The following CDH17 variants were observed in gnomAD, a reference collection of about 807,000 sequenced individuals.
CDH17 encodes cadherin 17, also known as cadherin-17.
Under a neutral mutation model 86.3 loss-of-function variants are expected in CDH17, and 67 were observed. The ratio of observed to expected loss-of-function variants is 0.78; its 90% CI spans 0.64 to 0.95. The LOEUF is 0.95. Ranked by LOEUF, CDH17 falls within the 40% of genes least tolerant of loss-of-function variation. CDH17 has a pLI of 0.00. For synonymous variants in CDH17, 367 were observed against 366.4 expected, an observed-to-expected ratio of 1.00 and a Z score of -0.02; for missense variants, 993 against 1,017.6, an observed-to-expected ratio of 0.98 and a Z score of 0.33.
Position 94,204,774 on chromosome 8 carries a change from C to T in CDH17, c.-21+3709G>A, listed in dbSNP as rs117626622. Among the ~76,000 whole-genome samples the T allele has an allele frequency of 5.1e-4, 77 of 152,246 alleles. 1 individual carries two copies. In the East Asian group the frequency reaches 0.013, roughly 26 times the overall value. On this transcript the variant is annotated intron_variant, in intron 1 of 17. Transcript: ENST00000027335. ...CTGGTTGGCGTTTGTTCCCCCAGTG[C>T]TCCCCAAGACAGAGCAAGGGAAGGA... is the stretch of plus-strand genomic sequence containing the variant.
chr8:94,162,104 G>T lies in CDH17; in HGVS notation c.1341C>A (p.Pro447=). Residue 447 remains proline (P), a synonymous_variant, in exon 11 of 18, where the codon CCC becomes CCA. Coordinates refer to ENST00000027335, the MANE Select transcript of CDH17 (RefSeq NM_004063.4). ...TACTCACATCTGATTTTTCAAAGAT[G>T]GGGATCTGATCATTGATATCAATAA... is the stretch of plus-strand genomic sequence containing the variant. The part of the protein sequence containing the change: ...INVIDINDQI[P]IFEKSDYGNL... 1 of 1,597,420 alleles carries T rather than the reference G, an allele frequency of 6.3e-7. No homozygotes were observed. The highest frequency in any genetic ancestry group is 8.6e-7 in the Non-Finnish European group (1 of 1,165,092).
At chr8:94,130,568 T>G in intron 17 of CDH17, 58 bp downstream of exon 17, 117 of 1,176,332 alleles carry the variant, frequency 9.9e-5, no homozygotes, top group Non-Finnish European at 1.4e-4. Flanking sequence ...GGCCCTGAGA[T>G]GAGCTCACAT....
intron 10 of CDH17, 68 bp from the exon 11 acceptor site, chr8:94,162,230 A>C: frequency 9.7e-7 from 1 of 1,033,212 alleles, no homozygotes; most frequent in Non-Finnish European, 1.5e-6. Flanking sequence ...AGAAATCTGC[A>C]AGAAAATACT....
In CDH17 at chr8:94,184,221, T is replaced by TTG. The variant is rs150547591; in HGVS notation, c.150+4964_150+4965dup. On this transcript the variant is annotated intron_variant, in intron 3 of 17. Coordinates refer to ENST00000027335, the MANE Select transcript of CDH17 (RefSeq NM_004063.4). ...CCTGCTACTGAGTGTGTGTGTGTGTTTGTGTGTGTGTGTGTCCAAGAGAAT... is the reference window on the plus strand; with the variant it reads ...CCTGCTACTGAGTGTGTGTGTGTGTTTGTGTGTGTGTGTGTGTCCAAGAGAAT... 7.8e-3 allele frequency among the ~76,000 whole-genome samples: 1,052 copies of TTG among 134,600 alleles called. 16 individuals carry two copies. The highest frequency in any genetic ancestry group is 0.033 in the African/African-American group (967 of 28,974). The allele number at this position is 134,600 out of a possible 152,430, so 88.3% of individuals were successfully genotyped here.
chr8:94,181,396 A>G (rs1463712526), intron 3 of CDH17, among the ~76,000 whole-genome samples: 5 of 152,210 alleles, frequency 3.3e-5, no homozygotes, highest in Admixed American at 2.6e-4. Context: ...AGGAGAGGTT[A>G]TATGTTAGAC....
Position 94,165,926 on chromosome 8 carries a change from C to A in CDH17, c.1117G>T (p.Ala373Ser), listed in dbSNP as rs1813143836. The A allele has an allele frequency of 6.2e-7, 1 of 1,613,864 alleles. No homozygotes were observed. The highest frequency in any genetic ancestry group is 8.5e-7 in the Non-Finnish European group (1 of 1,179,884). Residue 373 changes from alanine (A) to serine (S), a missense_variant, in exon 10 of 18, where the codon GCC (alanine) becomes TCC (serine). Transcript: ENST00000027335. ...TAHDRDEENT[A>S]NSFLNYRIVE... The stretch of plus-strand genomic sequence containing the variant: ...ATCCTGTAGTTTAGAAAACTGTTGG[C>A]AGTATTTTCTTCATCCCTGTCATGT...
At chr8:94,180,827 G>A (rs1231822088) in intron 3 of CDH17, among the ~76,000 whole-genome samples, 7 of 151,906 alleles carry the variant, frequency 4.6e-5, no homozygotes, top group African/African-American at 7.3e-5. Flanking sequence ...CCCAGAAGGC[G>A]GAGCTTGCAG....
intron 12 of CDH17, among the ~76,000 whole-genome samples, chr8:94,153,396 C>T (rs897012998): frequency 6.6e-6 from 1 of 152,142 alleles, no homozygotes. Flanking sequence ...AAAGGGAACC[C>T]TGTACACTGT....
At chr8:94,189,337 C>A in intron 2 of CDH17, 52 bp from the exon 3 acceptor site, 1 of 1,329,480 alleles carries the variant, frequency 7.5e-7, no homozygotes, top group Non-Finnish European at 1.1e-6. Context: ...GTCTGTGTCA[C>A]TCATTGATTT....
chr8:94,197,075 C>G (rs1453564255), intron 1 of CDH17, among the ~76,000 whole-genome samples: 1 of 152,224 alleles, frequency 6.6e-6, no homozygotes, highest in Non-Finnish European at 1.5e-5. Context: ...GGGCACCCCC[C>G]TCTATCTGCA....
intron 15 of CDH17, among the ~76,000 whole-genome samples, chr8:94,132,275 C>T (rs1293381477): frequency 6.6e-6 from 1 of 152,194 alleles, no homozygotes; most frequent in African/African-American, 2.4e-5. Context: ...AATGGTTGAA[C>T]TAATTTACAC....
chr8:94,131,216 A>T (rs542507432), intron 15 of CDH17, among the ~76,000 whole-genome samples: 1 of 152,322 alleles, frequency 6.6e-6, no homozygotes, highest in South Asian at 2.1e-4. Flanking sequence ...GTAGAAATTT[A>T]TACTAAATAT....
chr8:94,199,995 C>T (rs1813873395), intron 1 of CDH17, among the ~76,000 whole-genome samples: 1 of 152,214 alleles, frequency 6.6e-6, no homozygotes, highest in African/African-American at 2.4e-5. Flanking sequence ...GGACATTTCT[C>T]TTCACAATTC....
intron 15 of CDH17, among the ~76,000 whole-genome samples, chr8:94,135,311 T>C: frequency 6.6e-6 from 1 of 152,238 alleles, no homozygotes; most frequent in Non-Finnish European, 1.5e-5. Flanking sequence ...TGTAGGTCTC[T>C]AAGGACTTGC....
chr8:94,172,961 G>T (rs964964051), intron 7 of CDH17, among the ~76,000 whole-genome samples: 3 of 152,112 alleles, frequency 2.0e-5, no homozygotes, highest in Non-Finnish European at 4.4e-5. Flanking sequence ...CTCAGCCTAA[G>T]ATGGGCAAGT....
chr8:94,194,740 C>T (rs1813750190), intron 1 of CDH17, 35 bp from the exon 2 acceptor site: 3 of 1,105,950 alleles, frequency 2.7e-6, no homozygotes, highest in Middle Eastern at 2.1e-4. Flanking sequence ...TGGTTAGTTA[C>T]CAGTCTGTTA....
At chr8:94,154,254 C>T (rs1258161642) in intron 12 of CDH17, among the ~76,000 whole-genome samples, 1 of 152,170 alleles carries the variant, frequency 6.6e-6, no homozygotes, top group Non-Finnish European at 1.5e-5. Context: ...TTCTGCAGGT[C>T]TTACCAGAGC....
rs537560331 is a variant in CDH17 at position 94,140,338 on chromosome 8, G to A, written c.2167+5590C>T. Among the ~76,000 whole-genome samples, 7 of 152,226 alleles carry A rather than the reference G, an allele frequency of 4.6e-5. No homozygotes were observed. The South Asian group carries it at 6.2e-4, about 14-fold the overall frequency. On this transcript the variant is annotated intron_variant, in intron 15 of 17. Coordinates refer to ENST00000027335, the MANE Select transcript of CDH17 (RefSeq NM_004063.4). ...CCAGCTACTTGGGAGGCTGAAGCAG[G>A]AGGATCGTCTGAGCCCAGGAATTCA...
At position 94,172,830 on chromosome 8, in the gene CDH17, G is replaced by C. The variant is rs370317902; in HGVS notation, c.783+967C>G. 7.2e-5 allele frequency among the ~76,000 whole-genome samples: 11 copies of C among 152,276 alleles called. No individual in the cohort carries two copies. In the East Asian group the frequency reaches 1.2e-3, roughly 16 times the overall value. On this transcript the variant is annotated intron_variant, in intron 7 of 17. Transcript: ENST00000027335. ...ACATGCCACAGAGGTGGGGAAGTAGGAGCATCTGAACGGAGGGGAGAGGCA... is the reference window on the plus strand; with the variant it reads ...ACATGCCACAGAGGTGGGGAAGTAGCAGCATCTGAACGGAGGGGAGAGGCA...
Sources: allele counts gnomAD v4.1 joint callset (sites outside exome capture counted in the v4.1 genomes callset), GRCh38; gene constraint gnomAD v4.1.1; transcripts MANE v1.5; gene names NCBI Gene and HGNC (gene_info 2026-07-23, HGNC 2026-07-21).